Variants in NKX2-2 observed in about 807,000 individuals in gnomAD.
NKX2-2 encodes the protein NK2 homeobox 2.
Under a neutral mutation model 24.6 loss-of-function variants are expected in NKX2-2, and 8 were observed. The ratio of observed to expected loss-of-function variants is 0.32; its 90% CI spans 0.19 to 0.59. The LOEUF (loss-of-function observed/expected upper bound fraction) is 0.59. NKX2-2 is among the 20% of genes least tolerant of loss of function. NKX2-2 has a pLI of 0.86. For missense variants in NKX2-2, 381 were observed against 373.9 expected (o/e 1.02, Z -0.16); for synonymous variants, 217 against 173.3 (o/e 1.25, Z -1.98).
chr20:21,521,366 A>T, the NKX2-2 span, among the ~76,000 whole-genome samples: 4 of 152,106 alleles, frequency 2.6e-5, no homozygotes, highest in South Asian at 2.1e-4. Flanking sequence ...ACCGAGGTTC[A>T]TTTCTGATCC....
At position 21,512,406 on chromosome 20, in the gene NKX2-2, G is replaced by A; in HGVS notation, c.339C>T (p.Asp113=). Residue 113 remains aspartate (D), a synonymous_variant, in exon 2 of 2, where the codon GAC becomes GAT. Coordinates refer to ENST00000377142, the MANE Select transcript of NKX2-2 (RefSeq NM_002509.4). ...CGCCGCCCGGGGTCTCCTTGTCATT[G>A]TCCGGTGACTCGTCGGCCGAGGGCT... is the stretch of plus-strand genomic sequence containing the variant. ...SPEPSADESP[D]NDKETPGGGG... 1 of 1,598,468 alleles carries A rather than the reference G, an allele frequency of 6.3e-7. No individual in the cohort carries two copies. Among genetic ancestry groups the A allele is most frequent in the Non-Finnish European group, 8.5e-7 (1 of 1,175,684 alleles).
Position 21,513,365 on chromosome 20 carries a change from G to T in NKX2-2, c.259+46C>A. On this transcript the variant is annotated intron_variant, in intron 1 of 1. Coordinates refer to ENST00000377142, the MANE Select transcript of NKX2-2 (RefSeq NM_002509.4). The surrounding 1 kb of genome is among the most constrained non-coding windows in gnomAD (Gnocchi z 4.6). ...GCGTCCAACCCGGGCTGCGGCTGCAGGAATGGAGGGGACCACGGCCTCGGC... is the reference window on the plus strand; with the variant it reads ...GCGTCCAACCCGGGCTGCGGCTGCATGAATGGAGGGGACCACGGCCTCGGC... The T allele has an allele frequency of 6.7e-7, 1 of 1,487,524 alleles. No homozygotes were observed. The highest frequency in any genetic ancestry group is 8.9e-7 in the Non-Finnish European group (1 of 1,118,110). 92.1% of individuals were successfully genotyped at this position (1,487,524 alleles called of 1,614,324 possible). A position where few individuals can be genotyped will look rare whatever the true frequency, so the allele number is the denominator to read the frequency against.
chr20:21,515,886 CA>C (rs2122548423), upstream of NKX2-2, among the ~76,000 whole-genome samples: 1 of 152,344 alleles, frequency 6.6e-6, no homozygotes, highest in Admixed American at 6.5e-5. Flanking sequence ...CGGCTTTCTG[CA>C]GCCCTAGCTG....
chr20:21,511,846 G>T lies in NKX2-2; in HGVS notation c.*77C>A. 9.3e-7 allele frequency: 1 copy of T among 1,077,388 alleles called. No individual in the cohort carries two copies. The highest frequency in any genetic ancestry group is 1.3e-6 in the Non-Finnish European group (1 of 753,204). 66.7% of individuals were successfully genotyped at this position (1,077,388 alleles called of 1,614,324 possible). On this transcript the variant is annotated 3_prime_UTR_variant, in exon 2 of 2. Transcript: ENST00000377142. ...ATAATAATAATAATAACCACCATAAGGACCGAGGCCTCCTCGCCGCCACCG... is the reference window on the plus strand; with the variant it reads ...ATAATAATAATAATAACCACCATAATGACCGAGGCCTCCTCGCCGCCACCG...
At chr20:21,517,434 G>A (rs757628436), upstream of NKX2-2, among the ~76,000 whole-genome samples, 3 of 152,210 alleles carry the variant, frequency 2.0e-5, no homozygotes, top group Non-Finnish European at 4.4e-5. Flanking sequence ...CCGGGACCTC[G>A]AGACTCATTT....
Position 21,512,449 on chromosome 20 carries a change from G to A in NKX2-2, c.296C>T (p.Ser99Leu), listed in dbSNP as rs2122541165. 6.3e-7 allele frequency: 1 copy of A among 1,584,766 alleles called. No homozygotes were observed. The highest frequency in any genetic ancestry group is 8.5e-7 in the Non-Finnish European group (1 of 1,172,850). ...CGAGGGCTCCGGGGACTTGGAGCTT[G>A]AGTCCTGAGGGGGCGCCCCGGCAGC... ...GLAAGAPPQD[S>L]SSKSPEPSAD... is the part of the protein sequence containing the mutation. Residue 99 changes from serine to leucine, a missense_variant, in exon 2 of 2, where the codon TCA (serine) becomes TTA (leucine). Ser to Leu is a moderately radical substitution (Grantham distance 145). This residue lies in a region of NKX2-2 where 206 missense variants were observed against 173.1 expected (regional missense o/e 1.19). Coordinates refer to ENST00000377142, the MANE Select transcript of NKX2-2 (RefSeq NM_002509.4).
Position 21,511,868 on chromosome 20 carries a change from A to T in NKX2-2, c.*55T>A. On this transcript the variant is annotated 3_prime_UTR_variant, in exon 2 of 2. Coordinates refer to ENST00000377142, the MANE Select transcript of NKX2-2 (RefSeq NM_002509.4). ...TAAGGACCGAGGCCTCCTCGCCGCCACCGCCGCCGGGGTGGGGCCTGGGCC... is the reference window on the plus strand; with the variant it reads ...TAAGGACCGAGGCCTCCTCGCCGCCTCCGCCGCCGGGGTGGGGCCTGGGCC... 1 of 1,440,380 alleles carries T rather than the reference A, an allele frequency of 6.9e-7. No individual in the cohort carries two copies. The highest frequency in any genetic ancestry group is 9.3e-7 in the Non-Finnish European group (1 of 1,076,210). 89.2% of individuals were successfully genotyped at this position (1,440,380 alleles called of 1,614,324 possible). A position where few individuals can be genotyped will look rare whatever the true frequency, so the allele number is the denominator to read the frequency against.
chr20:21,512,309 G>A lies in NKX2-2; in HGVS notation c.436C>T (p.Arg146Cys), dbSNP rs760256898. The A allele has an allele frequency of 8.1e-6, 13 of 1,613,516 alleles. No individual in the cohort carries two copies. The highest frequency in any genetic ancestry group is 1.3e-5 in the African/African-American group (1 of 75,052). Reference sequence around the variant, plus strand: ...GACAGGTACCGCTGCTGCCGAAAGCGCCGCTCCAGCTCGTAGGTCTGCGCC... The same window carrying A: ...GACAGGTACCGCTGCTGCCGAAAGCACCGCTCCAGCTCGTAGGTCTGCGCC... Reference protein sequence around the residue: ...SKAQTYELERRFRQQRYLSAP... With the variant: ...SKAQTYELERCFRQQRYLSAP... Residue 146 changes from arginine (R) to cysteine (C), a missense_variant, in exon 2 of 2, where the codon CGC becomes TGC. Transcript: ENST00000377142.
Position 21,513,570 on chromosome 20 carries a change from C to G in NKX2-2, c.100G>C (p.Glu34Gln). The change falls in exon 1 of 2, where the codon GAA (glutamate) becomes CAA (glutamine). Residue 34 changes from glutamate to glutamine, a missense_variant. By Grantham distance (29) the Glu-to-Gln change is conservative. This residue lies in a region of NKX2-2 where 206 missense variants were observed against 173.1 expected (regional missense o/e 1.19). Transcript: ENST00000377142. This position sits in a 1 kb window ranked among gnomAD's most constrained non-coding sequence, Gnocchi z 4.6. ...EEGSVAEGPE[E>Q]ENEGPEPAKR... The stretch of plus-strand genomic sequence containing the variant: ...GCTGGCTCGGGCCCCTCGTTCTCTT[C>G]CTCCGGACCTTCGGCCACAGAGCCC... The G allele has an allele frequency of 6.2e-7, 1 of 1,613,668 alleles. No individual in the cohort carries two copies. Among genetic ancestry groups the G allele is most frequent in the Non-Finnish European group, 8.5e-7 (1 of 1,179,810 alleles).
At chr20:21,522,328 C>A in the NKX2-2 span, among the ~76,000 whole-genome samples, 3,207 of 152,252 alleles carry the variant, frequency 0.021, 122 homozygotes, top group African/African-American at 0.073. Flanking sequence ...TCGGCGGCGA[C>A]GACGGTGCCC....
chr20:21,515,709 C>A (rs947384688), upstream of NKX2-2, among the ~76,000 whole-genome samples: 12 of 152,098 alleles, frequency 7.9e-5, no homozygotes, highest in African/African-American at 2.7e-4. Context: ...GCCACCCCTG[C>A]GGGGTCCAGG....
At chr20:21,517,928 C>G (rs935948746), upstream of NKX2-2, among the ~76,000 whole-genome samples, 1 of 152,172 alleles carries the variant, frequency 6.6e-6, no homozygotes, top group South Asian at 2.1e-4. Context: ...TAAGGGCCCA[C>G]CACTCCCACC....
chr20:21,520,458 A>T, the NKX2-2 span, among the ~76,000 whole-genome samples: 8 of 152,254 alleles, frequency 5.3e-5, no homozygotes, highest in Admixed American at 5.2e-4. Context: ...TTGTGTGGGC[A>T]TAAGACCCTG....
upstream of NKX2-2, among the ~76,000 whole-genome samples, chr20:21,514,958 G>A (rs932078963): frequency 6.6e-6 from 1 of 151,884 alleles, no homozygotes; most frequent in Admixed American, 6.6e-5. Flanking sequence ...CCTTCACTCC[G>A]CCTCCCCCCA....
rs140543527 is a variant in NKX2-2 at position 21,511,249 on chromosome 20, G to GCAAAAACAAAAACAAAAAAA, written c.*673_*674insTTTTTTTGTTTTTGTTTTTG. The stretch of plus-strand genomic sequence containing the variant: ...AGAAAGGAAGAAAGCAGGGGAAAAC[G>GCAAAAACAAAAACAAAAAAA]CAAAAACAAAAACAAAACAAAAAAC... On this transcript the variant is annotated 3_prime_UTR_variant, in exon 2 of 2. Coordinates refer to ENST00000377142, the MANE Select transcript of NKX2-2 (RefSeq NM_002509.4). The GCAAAAACAAAAACAAAAAAA allele has an allele frequency of 1.3e-5, 2 of 151,486 alleles. No individual in the cohort carries two copies. The highest frequency in any genetic ancestry group is 2.9e-5 in the Non-Finnish European group (2 of 67,802). 9.4% of individuals were successfully genotyped at this position (151,486 alleles called of 1,614,324 possible).
At chr20:21,522,049 C>T in the NKX2-2 span, among the ~76,000 whole-genome samples, 2 of 152,366 alleles carry the variant, frequency 1.3e-5, no homozygotes, top group African/African-American at 2.4e-5. Context: ...TTTCCCTGAC[C>T]GCACCGGAAA....
At chr20:21,515,777 C>G (rs956173731), upstream of NKX2-2, among the ~76,000 whole-genome samples, 3 of 152,152 alleles carry the variant, frequency 2.0e-5, no homozygotes, top group African/African-American at 7.2e-5. Context: ...GCGCGGGCAC[C>G]GGGTCCTCCT....
the NKX2-2 span, among the ~76,000 whole-genome samples, chr20:21,520,662 C>T: frequency 2.0e-5 from 3 of 152,174 alleles, no homozygotes; most frequent in Admixed American, 6.5e-5. Context: ...TTTAAGCCCC[C>T]CTCGGGCCAA....
upstream of NKX2-2, among the ~76,000 whole-genome samples, chr20:21,514,239 G>A (rs1980554745): frequency 6.6e-6 from 1 of 152,142 alleles, no homozygotes; most frequent in Non-Finnish European, 1.5e-5. Context: ...AAAACGCAAA[G>A]GTTGGCCACG....
Sources: allele counts gnomAD v4.1 joint callset (sites outside exome capture counted in the v4.1 genomes callset), GRCh38; gene constraint gnomAD v4.1.1; regional missense constraint gnomAD v4.1.1; non-coding constraint Gnocchi (gnomAD v3.1); transcripts MANE v1.5; gene names NCBI Gene and HGNC (gene_info 2026-07-23, HGNC 2026-07-21).